The following UBE2L3 variants were observed in gnomAD, a reference collection of about 807,000 sequenced individuals.
UBE2L3 encodes ubiquitin conjugating enzyme E2 L3, also known as ubiquitin-conjugating enzyme E2 L3.
UBE2L3 carries 1 observed loss-of-function variant against 17.8 expected under a neutral mutation model. The observed-to-expected ratio is 0.06, with a 90% CI of 0.02 to 0.27. The LOEUF is 0.27. UBE2L3 is among the 10% of genes least tolerant of loss of function. The pLI, the probability that UBE2L3 is intolerant of heterozygous loss-of-function variation, is 1.00. For synonymous variants in UBE2L3, 44 were observed against 68.5 expected (o/e 0.64, Z 1.76); for missense variants, 40 against 192.6 (o/e 0.21, Z 4.69).
At chr22:21,567,607 T>C (rs1926695234), upstream of UBE2L3, 3 of 1,515,232 alleles carry the variant, frequency 2.0e-6, no homozygotes, top group Admixed American at 4.4e-5. Context: ...CCCAGCACAG[T>C]GGGAAGCACA....
At chr22:21,595,603 C>T (rs376911317) in intron 2 of UBE2L3, among the ~76,000 whole-genome samples, 5 of 152,160 alleles carry the variant, frequency 3.3e-5, no homozygotes, top group African/African-American at 1.2e-4. Flanking sequence ...GAGGTACTTC[C>T]TAGAGACTTC....
At chr22:21,562,519 C>T (rs570395105) in intron 1 of UBE2L3, among the ~76,000 whole-genome samples, 11 of 151,996 alleles carry the variant, frequency 7.2e-5, no homozygotes, top group African/African-American at 2.7e-4. Flanking sequence ...CCACAAGCAC[C>T]CGCCACCACG....
At chr22:21,575,550 C>T (rs1486399886) in intron 1 of UBE2L3, among the ~76,000 whole-genome samples, 2 of 145,292 alleles carry the variant, frequency 1.4e-5, no homozygotes, top group Non-Finnish European at 3.0e-5. Context: ...GATGGTGCCA[C>T]TGCGCTCCAG....
chr22:21,586,412 G>A (rs1340982447), intron 1 of UBE2L3, among the ~76,000 whole-genome samples: 1 of 151,552 alleles, frequency 6.6e-6, no homozygotes, highest in Non-Finnish European at 1.5e-5. Context: ...ACTATATATA[G>A]GTGCACGCCA....
chr22:21,589,307 G>A (rs1012196611), intron 1 of UBE2L3, among the ~76,000 whole-genome samples: 5 of 151,646 alleles, frequency 3.3e-5, no homozygotes, highest in East Asian at 1.9e-4. Flanking sequence ...CACCATGCCC[G>A]GCTAATTTTT....
At chr22:21,557,416 T>C (rs758607545) in intron 1 of UBE2L3, among the ~76,000 whole-genome samples, 21 of 152,178 alleles carry the variant, frequency 1.4e-4, no homozygotes, top group Admixed American at 8.5e-4. Context: ...AAAACAATAA[T>C]AATAAATAAA....
intron 2 of UBE2L3, among the ~76,000 whole-genome samples, chr22:21,597,153 A>T (rs925664845): frequency 2.7e-5 from 4 of 149,820 alleles, no homozygotes; most frequent in African/African-American, 7.4e-5. Context: ...TAATTTTTGT[A>T]TTTTTTGGTA....
chr22:21,592,461 A>G (rs1416192372), intron 1 of UBE2L3, among the ~76,000 whole-genome samples: 1 of 152,180 alleles, frequency 6.6e-6, no homozygotes, highest in Non-Finnish European at 1.5e-5. Flanking sequence ...TGCTTAATGA[A>G]TCTTGATTGG....
chr22:21,608,627 G>A (rs1398977881), intron 2 of UBE2L3, among the ~76,000 whole-genome samples: 1 of 151,884 alleles, frequency 6.6e-6, no homozygotes, highest in Admixed American at 6.6e-5. Flanking sequence ...GTTTTACCAC[G>A]TTGGCCAGGC....
At position 21,576,593 on chromosome 22, in the gene UBE2L3, C is replaced by T. The variant is rs143287803; in HGVS notation, c.27+8822C>T. ...GATTACAGGCGTGAGCCACCATGCCCGGCCCCCAATTTTTGTATTTTTAGT... is the reference window on the plus strand; with the variant it reads ...GATTACAGGCGTGAGCCACCATGCCTGGCCCCCAATTTTTGTATTTTTAGT... On this transcript the variant is annotated intron_variant, in intron 1 of 3. Coordinates refer to ENST00000342192, the MANE Select transcript of UBE2L3 (RefSeq NM_003347.4). Among the ~76,000 whole-genome samples the T allele has an allele frequency of 4.1e-3, 611 of 150,414 alleles. 3 individuals are homozygous for T. Among genetic ancestry groups the T allele is most frequent in the African/African-American group, 0.014 (588 of 40,982 alleles).
chr22:21,613,007 C>T (rs1288875652), intron 3 of UBE2L3, among the ~76,000 whole-genome samples: 2 of 152,158 alleles, frequency 1.3e-5, no homozygotes, highest in Non-Finnish European at 2.9e-5. Context: ...CAAGAGTGTT[C>T]AGTAATTCCT....
upstream of UBE2L3, among the ~76,000 whole-genome samples, chr22:21,565,162 C>G (rs1446271060): frequency 6.6e-6 from 1 of 151,804 alleles, no homozygotes; most frequent in Non-Finnish European, 1.5e-5. Flanking sequence ...GAGCTATCTC[C>G]ACTCACGGCA....
intron 2 of UBE2L3, among the ~76,000 whole-genome samples, chr22:21,594,406 A>T (rs1928416744): frequency 1.3e-5 from 2 of 150,184 alleles, no homozygotes; most frequent in South Asian, 4.2e-4. Context: ...AGCATGGAGC[A>T]TGCTTCCTCC....
upstream of UBE2L3, among the ~76,000 whole-genome samples, chr22:21,565,135 C>T (rs1218133508): frequency 6.6e-6 from 1 of 151,916 alleles, no homozygotes; most frequent in Non-Finnish European, 1.5e-5. Flanking sequence ...CTGTGTTACC[C>T]AGGCTGGAGT....
At chr22:21,585,476 G>T (rs117663329) in intron 1 of UBE2L3, among the ~76,000 whole-genome samples, 3,694 of 152,268 alleles carry the variant, frequency 0.024, 73 homozygotes, top group Non-Finnish European at 0.039. Context: ...ATCTCTCTCA[G>T]CCCACTTCCC....
At chr22:21,600,033 C>T (rs576805789) in intron 2 of UBE2L3, among the ~76,000 whole-genome samples, 4 of 152,282 alleles carry the variant, frequency 2.6e-5, no homozygotes, top group South Asian at 4.1e-4. Context: ...TATTCCTGGC[C>T]GGGCGCGGTG....
intron 1 of UBE2L3, among the ~76,000 whole-genome samples, chr22:21,568,659 C>G (rs1046313315): frequency 6.6e-6 from 1 of 152,088 alleles, no homozygotes; most frequent in Admixed American, 6.6e-5. Context: ...GTGGATTTGC[C>G]AAGGTCCTCT....
chr22:21,593,001 G>T, intron 2 of UBE2L3, 45 bp downstream of exon 2: 2 of 1,547,142 alleles, frequency 1.3e-6, no homozygotes, highest in South Asian at 1.1e-5. Context: ...ATTCTTTAAG[G>T]TGATGTGTGT....
chr22:21,591,279 C>G (rs919892605), intron 1 of UBE2L3, among the ~76,000 whole-genome samples: 2 of 152,244 alleles, frequency 1.3e-5, no homozygotes, highest in African/African-American at 4.8e-5. Context: ...TGCCTCTTCT[C>G]TCACCACAGC....
Sources: gnomAD v4.1 joint callset for allele counts (sites outside exome capture counted in the v4.1 genomes callset) on GRCh38, gnomAD v4.1.1 for gene constraint, MANE v1.5 for transcripts, NCBI Gene and HGNC (gene_info 2026-07-23, HGNC 2026-07-21) for gene names.